TRDN: variants seen among roughly 807,000 people sequenced by gnomAD.
TRDN encodes the protein triadin in skeletal muscle.
In TRDN, 161 loss-of-function variants were observed where a neutral mutation model predicts 149.7. The observed-to-expected ratio is 1.08, with a 90% CI of 0.95 to 1.23. The LOEUF (loss-of-function observed/expected upper bound fraction) is 1.23, where lower values mean the gene tolerates loss of function less well. TRDN is among the 50% of genes most tolerant of loss of function. The probability of loss-of-function intolerance (pLI) is 0.00; values close to 1 mark genes in which losing one functional copy is unlikely to be tolerated. For missense variants in TRDN, 896 were observed against 823.5 expected (o/e 1.09, Z -1.08); for synonymous variants, 294 against 250.5 (o/e 1.17, Z -1.64).
chr6:123,328,636 A>G (rs991299280), intron 23 of TRDN, among the ~76,000 whole-genome samples: 8 of 152,118 alleles, frequency 5.3e-5, no homozygotes, highest in Admixed American at 2.0e-4. Context: ...CTCTATTTCA[A>G]TACATGACTT....
intron 12 of TRDN, among the ~76,000 whole-genome samples, chr6:123,434,565 A>G (rs1162414128): frequency 2.0e-5 from 3 of 152,158 alleles, no homozygotes; most frequent in African/African-American, 7.2e-5. Flanking sequence ...TAGTCCTTCA[A>G]TAACATTGTA....
chr6:123,355,586 C>T (rs916292160), intron 20 of TRDN, among the ~76,000 whole-genome samples: 1 of 151,612 alleles, frequency 6.6e-6, no homozygotes, highest in East Asian at 1.9e-4. Context: ...ATTGTCTTGG[C>T]TATTCTTAGA....
intron 12 of TRDN, among the ~76,000 whole-genome samples, chr6:123,395,771 T>C (rs548539415): frequency 3.3e-5 from 5 of 152,270 alleles, no homozygotes; most frequent in South Asian, 4.1e-4. Context: ...AGCAGTATCA[T>C]GTTTGTCCCT....
intron 1 of TRDN, among the ~76,000 whole-genome samples, chr6:123,625,283 A>G (rs1249571094): frequency 6.6e-6 from 1 of 152,206 alleles, no homozygotes; most frequent in East Asian, 1.9e-4. Context: ...CTTTACATCA[A>G]ACACCATAAG....
chr6:123,259,892 A>C (rs1776702325), intron 34 of TRDN, among the ~76,000 whole-genome samples: 1 of 147,312 alleles, frequency 6.8e-6, no homozygotes, highest in African/African-American at 2.5e-5. Context: ...TAAGTCTTTT[A>C]CTCCTCTTCC....
At chr6:123,279,713 A>G (rs1777516201) in intron 24 of TRDN, among the ~76,000 whole-genome samples, 1 of 152,080 alleles carries the variant, frequency 6.6e-6, no homozygotes, top group Non-Finnish European at 1.5e-5. Flanking sequence ...ATTTCCCATT[A>G]CTTTCCAAGA....
intron 20 of TRDN, among the ~76,000 whole-genome samples, chr6:123,362,437 T>C (rs1234983642): frequency 6.6e-6 from 1 of 152,304 alleles, no homozygotes; most frequent in East Asian, 1.9e-4. Context: ...TTTATGGCAT[T>C]ATTAGCCCAG....
At chr6:123,336,750 G>A (rs966522982) in intron 22 of TRDN, among the ~76,000 whole-genome samples, 4 of 151,308 alleles carry the variant, frequency 2.6e-5, no homozygotes, top group Non-Finnish European at 5.9e-5. Context: ...AAAAATTAAG[G>A]TGAATAATAT....
chr6:123,366,204 G>A (rs755933207), intron 19 of TRDN, 22 bp from the exon 20 acceptor site: 1 of 1,610,532 alleles, frequency 6.2e-7, no homozygotes, highest in South Asian at 1.1e-5. Flanking sequence ...GATATTAAAG[G>A]AATGAGAAGT....
chr6:123,392,958 T>C (rs1772560885), intron 13 of TRDN, among the ~76,000 whole-genome samples: 2 of 152,062 alleles, frequency 1.3e-5, no homozygotes, highest in South Asian at 4.1e-4. Context: ...ATGATAAAGA[T>C]CTTCTCCAGT....
intron 20 of TRDN, among the ~76,000 whole-genome samples, chr6:123,357,931 T>C (rs1223844079): frequency 1.3e-5 from 2 of 152,218 alleles, no homozygotes; most frequent in Non-Finnish European, 2.9e-5. Context: ...TGATTATCTA[T>C]ACAGAAAAGA....
chr6:123,482,481 A>G (rs942190548), intron 9 of TRDN, among the ~76,000 whole-genome samples: 1 of 152,204 alleles, frequency 6.6e-6, no homozygotes, highest in African/African-American at 2.4e-5. Context: ...TATAATTGAT[A>G]CTATGTTGTC....
intron 9 of TRDN, among the ~76,000 whole-genome samples, chr6:123,476,556 CTACTT>C (rs1777485097): frequency 6.9e-6 from 1 of 144,202 alleles, no homozygotes; most frequent in Admixed American, 7.0e-5. Context: ...TTGGAAAAAA[CTACTT>C]TAAAGTTCAT....
rs530305842 is a variant in TRDN, at chr6:123,612,220, C to T, written c.22+24534G>A. ...GACCAGCCTGGCCAACATGGTGAAA[C>T]CCGGTCTCTACTAAAAATACAGAAA... On this transcript the variant is annotated intron_variant, in intron 1 of 40. Coordinates refer to ENST00000334268, the MANE Select transcript of TRDN (RefSeq NM_006073.4). Among the ~76,000 whole-genome samples the T allele has an allele frequency of 1.1e-4, 13 of 119,358 alleles. 1 individual carries two copies. The South Asian group carries it at 3.6e-3, about 33-fold the overall frequency. 78.3% of individuals were successfully genotyped at this position (119,358 alleles called of 152,430 possible). A position where few individuals can be genotyped will look rare whatever the true frequency, so the allele number is the denominator to read the frequency against.
intron 10 of TRDN, chr6:123,464,310 T>C: frequency 1.0e-6 from 1 of 984,388 alleles, no homozygotes; most frequent in Non-Finnish European, 1.2e-6. Flanking sequence ...TTTCAAGAAT[T>C]ATTAGTAGTA....
At chr6:123,307,549 T>G (rs1778659239) in intron 24 of TRDN, among the ~76,000 whole-genome samples, 3 of 151,992 alleles carry the variant, frequency 2.0e-5, no homozygotes. Flanking sequence ...TTTTTTTAAT[T>G]CCTATAAACT....
At chr6:123,591,777 AAATGAGCT>A (rs1294964367) in intron 1 of TRDN, among the ~76,000 whole-genome samples, 1 of 152,246 alleles carries the variant, frequency 6.6e-6, no homozygotes, top group Non-Finnish European at 1.5e-5. Context: ...AAGGACTTTT[AAATGAGCT>A]TGAAGCTCCT....
chr6:123,542,450 C>G (rs928692352), intron 4 of TRDN, among the ~76,000 whole-genome samples: 5 of 152,160 alleles, frequency 3.3e-5, no homozygotes, highest in Admixed American at 6.5e-5. Context: ...TCTTTCTTAA[C>G]TTTAAAGCTA....
intron 24 of TRDN, among the ~76,000 whole-genome samples, chr6:123,291,516 G>T (rs182103263): frequency 6.6e-6 from 1 of 151,568 alleles, no homozygotes; most frequent in African/African-American, 2.4e-5. Context: ...AGTGAGCCGA[G>T]ATCACACCAC....
Sources: allele counts gnomAD v4.1 joint callset (sites outside exome capture counted in the v4.1 genomes callset), GRCh38; gene constraint gnomAD v4.1.1; transcripts MANE v1.5; gene names NCBI Gene and HGNC (gene_info 2026-07-23, HGNC 2026-07-21).